Variants in DNAH11 observed in about 807,000 individuals in gnomAD.
The protein encoded by DNAH11 is axonemal beta dynein heavy chain 11.
In DNAH11, 442 loss-of-function variants were observed where a neutral mutation model predicts 526.0. That is an observed-to-expected ratio of 0.84 (90% CI 0.78 to 0.91). DNAH11 has a LOEUF of 0.91. Ranked by LOEUF, DNAH11 falls within the 40% of genes least tolerant of loss-of-function variation. The pLI, the probability that DNAH11 is intolerant of heterozygous loss-of-function variation, is 0.00. For missense variants in DNAH11, 6,989 were observed against 5,448.7 expected (o/e 1.28, Z -8.90); for synonymous variants, 2,461 against 1,935.9 (o/e 1.27, Z -7.12).
At chr7:21,600,964 A>C (rs760420315) in intron 16 of DNAH11, 34 bp downstream of exon 16, 9 of 1,611,608 alleles carry the variant, frequency 5.6e-6, no homozygotes, top group Non-Finnish European at 7.6e-6. Context: ...ATGTAGTGAA[A>C]TGGCTTTTCA....
At chr7:21,779,144 T>A (rs757070783) in intron 57 of DNAH11, 40 bp downstream of exon 57, 2 of 1,577,932 alleles carry the variant, frequency 1.3e-6, no homozygotes, top group South Asian at 1.2e-5. Context: ...GAGCTATATT[T>A]AGCACAAAAT....
intron 30 of DNAH11, among the ~76,000 whole-genome samples, chr7:21,661,821 A>C (rs1256279081): frequency 6.6e-6 from 1 of 151,954 alleles, no homozygotes; most frequent in Admixed American, 6.6e-5. Flanking sequence ...TATATGGAAA[A>C]TACTATTTTT....
chr7:21,702,193 A>G (rs552491961), intron 36 of DNAH11, among the ~76,000 whole-genome samples: 24 of 152,302 alleles, frequency 1.6e-4, no homozygotes, highest in African/African-American at 5.8e-4. Context: ...TAGTCTCAAA[A>G]ACAGATAATT....
At position 21,901,406 on chromosome 7, in the gene DNAH11, A is replaced by G; in HGVS notation, c.*152A>G. On this transcript the variant is annotated 3_prime_UTR_variant, in exon 82 of 82. Coordinates refer to ENST00000409508, the MANE Select transcript of DNAH11 (RefSeq NM_001277115.2). Reference sequence around the variant, plus strand: ...CTATCCTTAGAGTGAAAGTCAGAAAAAAATACTAGAAACTAACTCAGGGCT... The same window carrying G: ...CTATCCTTAGAGTGAAAGTCAGAAAGAAATACTAGAAACTAACTCAGGGCT... The G allele has an allele frequency of 8.9e-7, 1 of 1,121,170 alleles. No homozygotes were observed. The highest frequency in any genetic ancestry group is 1.2e-6 in the Non-Finnish European group (1 of 854,744). The allele number at this position is 1,121,170 out of a possible 1,614,324, so 69.5% of individuals were successfully genotyped here.
chr7:21,628,715 A>G (rs143405858), intron 25 of DNAH11, among the ~76,000 whole-genome samples: 162 of 152,172 alleles, frequency 1.1e-3, no homozygotes, highest in African/African-American at 3.6e-3. Flanking sequence ...GAATTGTGGC[A>G]TCTATGTTTA....
chr7:21,843,687 G>C (rs1015137753), intron 66 of DNAH11, among the ~76,000 whole-genome samples: 1 of 151,794 alleles, frequency 6.6e-6, no homozygotes, highest in African/African-American at 2.4e-5. Context: ...CACCATATTT[G>C]CCAGGCTGGT....
At chr7:21,746,906 G>A (rs2965356) in intron 51 of DNAH11, among the ~76,000 whole-genome samples, 1 of 152,114 alleles carries the variant, frequency 6.6e-6, no homozygotes, top group Non-Finnish European at 1.5e-5. Flanking sequence ...CGTCCTGGCT[G>A]AGGTGAAACA....
intron 63 of DNAH11, among the ~76,000 whole-genome samples, chr7:21,812,191 A>G (rs932693092): frequency 6.6e-6 from 1 of 152,214 alleles, no homozygotes; most frequent in African/African-American, 2.4e-5. Context: ...TGGAAAGGCG[A>G]GAAAGACCAA....
intron 80 of DNAH11, among the ~76,000 whole-genome samples, 163 bp from the exon 81 acceptor site, chr7:21,899,817 C>T (rs749627583): frequency 4.6e-5 from 7 of 152,228 alleles, no homozygotes; most frequent in South Asian, 2.1e-4. Context: ...GCTTGTCCTG[C>T]AGGCCTTAGT....
intron 25 of DNAH11, among the ~76,000 whole-genome samples, chr7:21,626,733 C>T (rs1040804614): frequency 4.2e-5 from 6 of 141,594 alleles, no homozygotes; most frequent in African/African-American, 1.3e-4. Context: ...TAACTGATGG[C>T]CTTCTGTATG....
At chr7:21,859,358 C>T (rs1782970661) in intron 68 of DNAH11, among the ~76,000 whole-genome samples, 1 of 152,194 alleles carries the variant, frequency 6.6e-6, no homozygotes, top group African/African-American at 2.4e-5. Context: ...AGGTGATCCA[C>T]CTGCCTCAGC....
intron 25 of DNAH11, among the ~76,000 whole-genome samples, chr7:21,625,385 G>T (rs985781520): frequency 1.3e-5 from 2 of 151,928 alleles, no homozygotes; most frequent in Non-Finnish European, 2.9e-5. Flanking sequence ...TTCTGATTTT[G>T]AGTTATCTCC....
In DNAH11 at chr7:21,582,041, T is replaced by C. The variant is rs767314046; in HGVS notation, c.1710+20T>C. 21 of 1,528,882 alleles carry C rather than the reference T, an allele frequency of 1.4e-5. No homozygotes were observed. The highest frequency in any genetic ancestry group is 1.8e-5 in the Non-Finnish European group (20 of 1,105,744). The allele number at this position is 1,528,882 out of a possible 1,614,324, so 94.7% of individuals were successfully genotyped here. ...TTTAAGGTTAGTTCTGAAGAAGCTA[T>C]CATAAAAAACGTTTACTATGAATAA... On this transcript the variant is annotated intron_variant, in intron 9 of 81. Coordinates refer to ENST00000409508, the MANE Select transcript of DNAH11 (RefSeq NM_001277115.2).
chr7:21,577,016 A>G (rs911988017), intron 8 of DNAH11, among the ~76,000 whole-genome samples: 5 of 152,232 alleles, frequency 3.3e-5, no homozygotes, highest in Middle Eastern at 3.2e-3. Flanking sequence ...GTGAAAAGAA[A>G]AAGGCAGAGT....
chr7:21,632,642 C>T (rs1380490283), intron 25 of DNAH11, among the ~76,000 whole-genome samples: 2 of 152,174 alleles, frequency 1.3e-5, no homozygotes, highest in East Asian at 1.9e-4. Flanking sequence ...GTTCCAGTTC[C>T]CAACAAGTTT....
chr7:21,777,938 G>A (rs1435893158), intron 56 of DNAH11, among the ~76,000 whole-genome samples: 1 of 152,182 alleles, frequency 6.6e-6, no homozygotes, highest in Non-Finnish European at 1.5e-5. Flanking sequence ...TAGCATTTGA[G>A]TTAAAATAAA....
intron 21 of DNAH11, 100 bp downstream of exon 21, chr7:21,615,372 T>G: frequency 1.5e-6 from 2 of 1,335,526 alleles, no homozygotes; most frequent in Non-Finnish European, 1.0e-6. Flanking sequence ...TATAATGTCT[T>G]GAAATATGTG....
rs374309543 is a variant in DNAH11 at position 21,781,063 on chromosome 7, C to A, written c.9483+1959C>A. 2.8e-4 allele frequency among the ~76,000 whole-genome samples: 42 copies of A among 152,282 alleles called. 1 individual carries two copies. The highest frequency in any genetic ancestry group is 9.9e-4 in the African/African-American group (41 of 41,564). On this transcript the variant is annotated intron_variant, in intron 57 of 81. Transcript: ENST00000409508. ...AACTAGAAAGCATCTAGAAATTCATCAATACCTGAATCCATGCTCTGTGTT... is the reference window on the plus strand; with the variant it reads ...AACTAGAAAGCATCTAGAAATTCATAAATACCTGAATCCATGCTCTGTGTT...
intron 55 of DNAH11, among the ~76,000 whole-genome samples, chr7:21,767,893 C>A (rs1456261449): frequency 6.6e-6 from 1 of 152,110 alleles, no homozygotes; most frequent in East Asian, 1.9e-4. Flanking sequence ...TTATTGACGT[C>A]ATTTGCTGAG....
Sources: gnomAD v4.1 joint callset for allele counts (sites outside exome capture counted in the v4.1 genomes callset) on GRCh38, gnomAD v4.1.1 for gene constraint, MANE v1.5 for transcripts, NCBI Gene and HGNC (gene_info 2026-07-23, HGNC 2026-07-21) for gene names.